The following ZFAND3 variants were observed in gnomAD, a reference collection of about 807,000 sequenced individuals.
ZFAND3 encodes the protein zinc finger AN1-type containing 3, also known as AN1-type zinc finger protein 3.
Under a neutral mutation model 29.6 loss-of-function variants are expected in ZFAND3, and 10 were observed. The observed-to-expected ratio is 0.34, with a 90% confidence interval of 0.21 to 0.57. The LOEUF (loss-of-function observed/expected upper bound fraction) is 0.57, where lower values mean the gene tolerates loss of function less well. Ranked by LOEUF, ZFAND3 falls within the 20% of genes least tolerant of loss-of-function variation. The pLI is 0.86. For missense variants in ZFAND3, 230 were observed against 304.5 expected, an observed-to-expected ratio of 0.76 and a Z score of 1.82; for synonymous variants, 128 against 112.6, an observed-to-expected ratio of 1.14 and a Z score of -0.87.
chr6:37,903,729 T>A (rs925720230), intron 1 of ZFAND3, among the ~76,000 whole-genome samples: 1 of 152,198 alleles, frequency 6.6e-6, no homozygotes, highest in Non-Finnish European at 1.5e-5. Context: ...CTGATGAAAA[T>A]TTTAAACGTG....
At chr6:37,897,458 T>A (rs1177369662) in intron 1 of ZFAND3, among the ~76,000 whole-genome samples, 1 of 152,230 alleles carries the variant, frequency 6.6e-6, no homozygotes, top group Non-Finnish European at 1.5e-5. Flanking sequence ...TTGTTAGGTG[T>A]AATGCTGCTG....
At chr6:38,113,561 G>A (rs1765359895) in intron 4 of ZFAND3, among the ~76,000 whole-genome samples, 2 of 152,206 alleles carry the variant, frequency 1.3e-5, no homozygotes, top group Non-Finnish European at 2.9e-5. Context: ...GAGAAAAAGA[G>A]GTCAAGACTG....
At chr6:38,081,152 GT>G (rs1382780837) in intron 3 of ZFAND3, among the ~76,000 whole-genome samples, 2 of 149,890 alleles carry the variant, frequency 1.3e-5, no homozygotes, top group African/African-American at 4.9e-5. Flanking sequence ...ATGTACAGAA[GT>G]TTTTTCTTTT....
chr6:38,074,358 T>C (rs1764513127), intron 3 of ZFAND3, among the ~76,000 whole-genome samples: 1 of 152,190 alleles, frequency 6.6e-6, no homozygotes, highest in African/African-American at 2.4e-5. Context: ...TTATTTTAAT[T>C]TTAAATGAAA....
intron 5 of ZFAND3, among the ~76,000 whole-genome samples, chr6:38,134,845 C>T (rs959323203): frequency 6.6e-6 from 1 of 152,212 alleles, no homozygotes; most frequent in Admixed American, 6.5e-5. Context: ...GATTCTGTGC[C>T]AGCATAAACT....
rs139728330 is a variant in ZFAND3, at chr6:38,154,373, T to TG, written c.*1992dup. On this transcript the variant is annotated 3_prime_UTR_variant, in exon 6 of 6. Coordinates refer to ENST00000287218, the MANE Select transcript of ZFAND3 (RefSeq NM_021943.3). ...CCATGTTCGCTTCCTGACTTAGAGC[T>TG]GGGGGGGGTGGGGGGTGGGGCTTGT... 0.027 allele frequency: 10,226 copies of TG among 374,598 alleles called. 372 individuals carry two copies. In the East Asian group the frequency reaches 0.32, roughly 12 times the overall value. 23.2% of individuals were successfully genotyped at this position (374,598 alleles called of 1,614,324 possible). A position where few individuals can be genotyped will look rare whatever the true frequency, so the allele number is the denominator to read the frequency against.
intron 2 of ZFAND3, among the ~76,000 whole-genome samples, chr6:37,930,404 C>G (rs953684705): frequency 6.6e-6 from 1 of 152,092 alleles, no homozygotes; most frequent in Admixed American, 6.6e-5. Context: ...ATCATCAGAT[C>G]CATCATAGAG....
intron 2 of ZFAND3, among the ~76,000 whole-genome samples, chr6:37,977,689 T>G (rs1021449540): frequency 1.3e-5 from 2 of 151,874 alleles, no homozygotes; most frequent in African/African-American, 4.8e-5. Flanking sequence ...CTTTCACCAG[T>G]AAGTATGAGA....
chr6:37,985,527 A>ACACACACACACACACC (rs753070737), intron 2 of ZFAND3, among the ~76,000 whole-genome samples: 31 of 141,654 alleles, frequency 2.2e-4, no homozygotes, highest in Non-Finnish European at 4.6e-4. Flanking sequence ...ACACACACAC[A>ACACACACACACACACC]CCCCCACACA....
At chr6:37,874,128 T>G (rs561773407) in intron 1 of ZFAND3, among the ~76,000 whole-genome samples, 1 of 152,302 alleles carries the variant, frequency 6.6e-6, no homozygotes, top group South Asian at 2.1e-4. Flanking sequence ...AGGAAGGATG[T>G]TTTCCAGGAC....
At chr6:38,100,653 G>A (rs765685145) in intron 4 of ZFAND3, among the ~76,000 whole-genome samples, 32 of 152,296 alleles carry the variant, frequency 2.1e-4, no homozygotes, top group Non-Finnish European at 2.1e-4. Context: ...AGCAGTGTCA[G>A]CATTTCTGAG....
At chr6:37,934,529 T>TAAAA (rs34477813) in intron 2 of ZFAND3, among the ~76,000 whole-genome samples, 1 of 125,348 alleles carries the variant, frequency 8.0e-6, no homozygotes, top group African/African-American at 3.0e-5. Context: ...TTAGTCTATT[T>TAAAA]AAAAAAAAAA....
intron 1 of ZFAND3, among the ~76,000 whole-genome samples, chr6:37,840,782 C>A (rs1407172677): frequency 6.6e-6 from 1 of 151,210 alleles, no homozygotes; most frequent in African/African-American, 2.4e-5. Flanking sequence ...GTACAATGAT[C>A]TGGTCTTTTG....
At chr6:37,985,236 T>A (rs181577216) in intron 2 of ZFAND3, among the ~76,000 whole-genome samples, 272 of 152,240 alleles carry the variant, frequency 1.8e-3, no homozygotes, top group African/African-American at 6.2e-3. Context: ...GATAGGAGGA[T>A]CACTTGTGTC....
intron 2 of ZFAND3, among the ~76,000 whole-genome samples, chr6:37,959,466 T>C (rs1762157099): frequency 6.6e-6 from 1 of 152,226 alleles, no homozygotes; most frequent in African/African-American, 2.4e-5. Context: ...TTTTAGAGCC[T>C]AAAGTATTAA....
chr6:37,845,297 A>T (rs1383570248), intron 1 of ZFAND3, among the ~76,000 whole-genome samples: 1 of 152,132 alleles, frequency 6.6e-6, no homozygotes, highest in South Asian at 2.1e-4. Flanking sequence ...TAGGTGTTAT[A>T]ATGTGTTATA....
In ZFAND3 at chr6:37,973,112, C is replaced by T. The variant is rs116285092; in HGVS notation, c.112+43113C>T. On this transcript the variant is annotated intron_variant, in intron 2 of 5. Transcript: ENST00000287218. ...CTGCTTTTTCTTAGTTTCTGAGTTGCTGATTTGGTAAAACTGTCATGATTT... is the reference window on the plus strand; with the variant it reads ...CTGCTTTTTCTTAGTTTCTGAGTTGTTGATTTGGTAAAACTGTCATGATTT... Among the ~76,000 whole-genome samples the T allele has an allele frequency of 2.8e-3, 428 of 152,080 alleles. 2 individuals are homozygous for T. The highest frequency in any genetic ancestry group is 9.8e-3 in the African/African-American group (406 of 41,466).
chr6:37,975,784 A>C (rs1050196046), intron 2 of ZFAND3, among the ~76,000 whole-genome samples: 3 of 152,160 alleles, frequency 2.0e-5, no homozygotes, highest in African/African-American at 4.8e-5. Context: ...TTTTGATTAC[A>C]TAAACTTTAT....
chr6:37,894,826 CT>C (rs1765169027), intron 1 of ZFAND3, among the ~76,000 whole-genome samples: 1 of 152,192 alleles, frequency 6.6e-6, no homozygotes, highest in South Asian at 2.1e-4. Flanking sequence ...AGATGTTGCT[CT>C]ACTGTCTTTT....
Sources: allele counts gnomAD v4.1 joint callset (sites outside exome capture counted in the v4.1 genomes callset), GRCh38; gene constraint gnomAD v4.1.1; transcripts MANE v1.5; gene names NCBI Gene and HGNC (gene_info 2026-07-23, HGNC 2026-07-21).